Variants in HMCN1 observed in about 807,000 individuals in gnomAD.
HMCN1 encodes hemicentin 1, also known as hemicentin-1.
HMCN1 carries 321 observed loss-of-function variants against 625.9 expected under a neutral mutation model. The observed-to-expected ratio is 0.51, with a 90% CI of 0.47 to 0.56. The LOEUF is 0.56. Ranked by LOEUF, HMCN1 falls within the 20% of genes least tolerant of loss-of-function variation. The pLI, the probability that HMCN1 is intolerant of heterozygous loss-of-function variation, is 0.00. For synonymous variants in HMCN1, 2,425 were observed against 2,417.6 expected (o/e 1.00, Z -0.09); for missense variants, 6,588 against 6,887.3 (o/e 0.96, Z 1.54).
chr1:185,926,017 G>T (rs951642093), intron 9 of HMCN1, among the ~76,000 whole-genome samples: 5 of 152,174 alleles, frequency 3.3e-5, no homozygotes, highest in Admixed American at 2.0e-4. Flanking sequence ...TAGAGGCACC[G>T]ACTTTTCCTT....
At chr1:185,992,318 A>C (rs889127088) in intron 22 of HMCN1, among the ~76,000 whole-genome samples, 2 of 152,158 alleles carry the variant, frequency 1.3e-5, no homozygotes, top group Admixed American at 6.5e-5. Flanking sequence ...CACTTTTTGT[A>C]TCTTAACATG....
At chr1:186,123,526 T>G (rs1219276114) in intron 81 of HMCN1, among the ~76,000 whole-genome samples, 3 of 152,236 alleles carry the variant, frequency 2.0e-5, no homozygotes, top group African/African-American at 7.2e-5. Flanking sequence ...TTGTGTTTTG[T>G]GACTTTTCTG....
At chr1:186,113,052 G>T in intron 72 of HMCN1, 99 bp downstream of exon 72, 1 of 1,402,558 alleles carries the variant, frequency 7.1e-7, no homozygotes, top group East Asian at 2.3e-5. Context: ...ATGAAGCCTT[G>T]TGCTTATCTT....
rs746622660 is a variant in HMCN1, at chr1:185,982,296, C to T, written c.2697C>T (p.Ala899=). 1.2e-6 allele frequency: 2 copies of T among 1,612,862 alleles called. No homozygotes were observed. The highest frequency in any genetic ancestry group is 1.7e-6 in the Non-Finnish European group (2 of 1,178,918). The stretch of plus-strand genomic sequence containing the variant: ...TTATTGGAATCAGCCCTTCAGTGGC[C>T]AATGTTATTGAAGGACAGCAGCTTA... ...APLIGISPSV[A]NVIEGQQLTL... Residue 899 remains alanine, a synonymous_variant, in exon 18 of 107, where the codon GCC becomes GCT. Transcript: ENST00000271588.
chr1:185,896,304 A>C (rs1665487586), intron 4 of HMCN1, among the ~76,000 whole-genome samples: 1 of 152,062 alleles, frequency 6.6e-6, no homozygotes, highest in African/African-American at 2.4e-5. Flanking sequence ...TGCATTCCCA[A>C]ATGTCTACTA....
chr1:185,923,761 T>G (rs1232044277), intron 8 of HMCN1, 108 bp downstream of exon 8: 1 of 914,274 alleles, frequency 1.1e-6, no homozygotes, highest in African/African-American at 1.6e-5. Flanking sequence ...CTTCATATTA[T>G]TACTGCATCA....
At chr1:185,868,665 C>T (rs977681629) in intron 4 of HMCN1, among the ~76,000 whole-genome samples, 10 of 152,246 alleles carry the variant, frequency 6.6e-5, no homozygotes, top group Admixed American at 3.3e-4. Context: ...ATTAATTACC[C>T]AGTCTTCGGC....
chr1:185,795,462 G>A (rs1451288036), intron 1 of HMCN1, among the ~76,000 whole-genome samples: 3 of 152,106 alleles, frequency 2.0e-5, no homozygotes, highest in African/African-American at 7.2e-5. Context: ...TGACCTTCTA[G>A]TAACACATAA....
Position 185,908,553 on chromosome 1 carries a change from C to T in HMCN1, c.622-784C>T, listed in dbSNP as rs185853222. 8.9e-4 allele frequency among the ~76,000 whole-genome samples: 136 copies of T among 152,042 alleles called. 1 individual carries two copies. The highest frequency in any genetic ancestry group is 4.1e-4 in the South Asian group (2 of 4,820). On this transcript the variant is annotated intron_variant, in intron 4 of 106. Transcript: ENST00000271588. ...CACCATTTGTCTAAAGGGAAATTATCTTTGTTAGTGCAGAAACTTTCTATG... is the reference window on the plus strand; with the variant it reads ...CACCATTTGTCTAAAGGGAAATTATTTTTGTTAGTGCAGAAACTTTCTATG...
chr1:185,884,365 A>G (rs1664504048), intron 4 of HMCN1, among the ~76,000 whole-genome samples: 1 of 151,982 alleles, frequency 6.6e-6, no homozygotes, highest in African/African-American at 2.4e-5. Context: ...CTCCTTATGC[A>G]GATATCTGGA....
chr1:185,778,834 G>T (rs1656823807), intron 1 of HMCN1, among the ~76,000 whole-genome samples: 2 of 152,168 alleles, frequency 1.3e-5, no homozygotes, highest in Non-Finnish European at 2.9e-5. Context: ...ATAGCAGCAT[G>T]ATTTATAGTC....
At chr1:186,153,643 T>C (rs1650807262) in intron 96 of HMCN1, 107 bp from the exon 97 acceptor site, 1 of 886,544 alleles carries the variant, frequency 1.1e-6, no homozygotes, top group East Asian at 2.4e-5. Context: ...GTGTGTTTTT[T>C]AGCTCCTAAT....
intron 82 of HMCN1, among the ~76,000 whole-genome samples, chr1:186,127,516 C>T (rs530899025): frequency 6.6e-6 from 1 of 151,916 alleles, no homozygotes; most frequent in South Asian, 2.1e-4. Flanking sequence ...GGAAAATAGG[C>T]GAGCATAGTG....
At chr1:186,132,556 G>C in intron 86 of HMCN1, 147 bp downstream of exon 86, 1 of 695,692 alleles carries the variant, frequency 1.4e-6, no homozygotes, top group Non-Finnish European at 2.6e-6. Context: ...TGATGGAGCA[G>C]TTGTCATCAA....
chr1:185,811,139 T>A (rs1659488893), intron 1 of HMCN1, among the ~76,000 whole-genome samples: 1 of 152,102 alleles, frequency 6.6e-6, no homozygotes, highest in Non-Finnish European at 1.5e-5. Context: ...GGACTTAAGA[T>A]AGGAGTGGTC....
chr1:185,743,245 C>T (rs372680798), intron 1 of HMCN1, among the ~76,000 whole-genome samples: 4 of 152,320 alleles, frequency 2.6e-5, no homozygotes, highest in African/African-American at 9.6e-5. Flanking sequence ...GATAATTTCT[C>T]TGGGTATTTT....
intron 86 of HMCN1, among the ~76,000 whole-genome samples, chr1:186,134,192 T>G (rs530405045): frequency 6.5e-4 from 99 of 152,192 alleles, no homozygotes; most frequent in Non-Finnish European, 1.1e-3. Flanking sequence ...TGTTCATATT[T>G]ATTATGTGAA....
chr1:185,752,497 A>C lies in HMCN1; in HGVS notation c.268+17450A>C, dbSNP rs114098063. ...TTGGAATATTTCCCCTTATTCTTAC[A>C]ACTCCATCCTAACTATTTCTTTAAA... On this transcript the variant is annotated intron_variant, in intron 1 of 106. Coordinates refer to ENST00000271588, the MANE Select transcript of HMCN1 (RefSeq NM_031935.3). 8.3e-3 allele frequency among the ~76,000 whole-genome samples: 1,262 copies of C among 152,204 alleles called. 12 individuals are homozygous for C. Among genetic ancestry groups the C allele is most frequent in the Middle Eastern group, 0.027 (8 of 294 alleles).
chr1:185,871,668 T>C (rs1207890412), intron 4 of HMCN1, among the ~76,000 whole-genome samples: 2 of 152,122 alleles, frequency 1.3e-5, no homozygotes, highest in Non-Finnish European at 2.9e-5. Context: ...AAAATTCAAA[T>C]CCTGGCAATG....
Sources: gnomAD v4.1 joint callset for allele counts (sites outside exome capture counted in the v4.1 genomes callset) on GRCh38, gnomAD v4.1.1 for gene constraint, MANE v1.5 for transcripts, NCBI Gene and HGNC (gene_info 2026-07-23, HGNC 2026-07-21) for gene names.